Variants in ASPSCR1 observed in about 807,000 individuals in gnomAD.
ASPSCR1 encodes the protein tether containing UBX domain for GLUT4.
Under a neutral mutation model 68.9 loss-of-function variants are expected in ASPSCR1, and 55 were observed. That is an observed-to-expected ratio of 0.80 (90% CI 0.64 to 1.00). The LOEUF (loss-of-function observed/expected upper bound fraction) is 1.00. Ranked by LOEUF, ASPSCR1 falls within the 50% of genes least tolerant of loss-of-function variation. The pLI is 0.00. For synonymous variants in ASPSCR1, 352 were observed against 332.6 expected (o/e 1.06, Z -0.63); for missense variants, 765 against 762.2 (o/e 1.00, Z -0.04).
chr17:81,982,259 G>A (rs1185763834), intron 2 of ASPSCR1, among the ~76,000 whole-genome samples: 2 of 152,244 alleles, frequency 1.3e-5, no homozygotes, highest in African/African-American at 4.8e-5. Context: ...ATGAGCCACC[G>A]CGCCCAGCGC....
rs916566836 is a variant in ASPSCR1, at chr17:81,987,200, G to A, written c.374+1593G>A. ...AGCGGGACCCGAGGCAGGAGATGACGGAGCCTGAGAGCAAAGCGAAGCCAC... is the reference window on the plus strand; with the variant it reads ...AGCGGGACCCGAGGCAGGAGATGACAGAGCCTGAGAGCAAAGCGAAGCCAC... On this transcript the variant is annotated intron_variant, in intron 4 of 15. Coordinates refer to ENST00000306739, the MANE Select transcript of ASPSCR1 (RefSeq NM_024083.4). The surrounding 1 kb of genome is among the most constrained non-coding windows in gnomAD (Gnocchi z 5.6). Among the ~76,000 whole-genome samples, 7 of 148,312 alleles carry A rather than the reference G, an allele frequency of 4.7e-5. No homozygotes were observed. The highest frequency in any genetic ancestry group is 1.5e-4 in the African/African-American group (6 of 39,462).
chr17:81,989,456 G>A (rs2144022953), intron 4 of ASPSCR1, among the ~76,000 whole-genome samples: 1 of 152,324 alleles, frequency 6.6e-6, no homozygotes, highest in East Asian at 1.9e-4. Flanking sequence ...GAGGCCTTGG[G>A]AAGTCCAGGT....
intron 12 of ASPSCR1, chr17:82,016,208 G>T (rs1450902342): frequency 5.8e-6 from 3 of 518,754 alleles, no homozygotes; most frequent in Non-Finnish European, 1.0e-5. Context: ...GATGCTGCAT[G>T]GCTTGAGGAC....
At position 82,016,555 on chromosome 17, in the gene ASPSCR1, C is replaced by G. The variant is rs147813785; in HGVS notation, c.1405+28C>G. The G allele has an allele frequency of 1.7e-5, 26 of 1,549,134 alleles. No homozygotes were observed. The African/African-American group carries it at 2.9e-4, about 17-fold the overall frequency. Reference sequence around the variant, plus strand: ...GAGTGTCAGTGGTTGGGGCCAGTGTCGGAGTCCAGCCAGCCTGTCCCTGGA... The same window carrying G: ...GAGTGTCAGTGGTTGGGGCCAGTGTGGGAGTCCAGCCAGCCTGTCCCTGGA... On this transcript the variant is annotated intron_variant, in intron 13 of 15. Coordinates refer to ENST00000306739, the MANE Select transcript of ASPSCR1 (RefSeq NM_024083.4).
At chr17:82,007,722 C>T (rs2042767978) in intron 7 of ASPSCR1, 1 of 152,274 alleles carries the variant, frequency 6.6e-6, no homozygotes, top group Admixed American at 6.5e-5. Flanking sequence ...GGCCTGGCCG[C>T]TCATGGACAT....
rs2042300627 is a variant in ASPSCR1, at chr17:81,995,304, GA to G, written c.432+427del. On this transcript the variant is annotated intron_variant, in intron 5 of 15. Coordinates refer to ENST00000306739, the MANE Select transcript of ASPSCR1 (RefSeq NM_024083.4). ...GCTGGGGTGGGGGGGCACTGGCCCG[GA>G]GGGGCCCTGGGGGGCCAGGACATTC... The G allele has an allele frequency of 8.6e-6, 3 of 347,182 alleles. No individual in the cohort carries two copies. The East Asian group carries it at 1.4e-4, about 16-fold the overall frequency. The allele number at this position is 347,182 out of a possible 1,614,324, so 21.5% of individuals were successfully genotyped here. A position where few individuals can be genotyped will look rare whatever the true frequency, so the allele number is the denominator to read the frequency against.
chr17:82,015,433 C>A, intron 12 of ASPSCR1: 1 of 1,488,458 alleles, frequency 6.7e-7, no homozygotes, highest in Non-Finnish European at 9.0e-7. Flanking sequence ...GGCTGCCAAG[C>A]CTACTTCCCT....
chr17:81,991,226 G>T (rs2042150048), intron 4 of ASPSCR1, among the ~76,000 whole-genome samples: 1 of 152,212 alleles, frequency 6.6e-6, no homozygotes, highest in Admixed American at 6.5e-5. Flanking sequence ...GGGCTGTGCT[G>T]GCGTGGGCAC....
intron 2 of ASPSCR1, among the ~76,000 whole-genome samples, chr17:81,980,632 A>G (rs1469679244): frequency 6.6e-6 from 1 of 152,252 alleles, no homozygotes; most frequent in Non-Finnish European, 1.5e-5. Context: ...CAGGCTGGGA[A>G]GTGTAGCCTC....
chr17:81,996,219 G>A (rs1328726794), intron 6 of ASPSCR1, among the ~76,000 whole-genome samples, 154 bp downstream of exon 6: 3 of 152,198 alleles, frequency 2.0e-5, no homozygotes, highest in East Asian at 3.9e-4. Flanking sequence ...GCCTGTGGGC[G>A]TGGGGGCTGG....
intron 2 of ASPSCR1, among the ~76,000 whole-genome samples, chr17:81,982,453 G>A (rs914918781): frequency 8.5e-5 from 13 of 152,244 alleles, no homozygotes; most frequent in Admixed American, 3.3e-4. Context: ...AGCCCCAGGC[G>A]TGAACAGTGC....
rs927261752 is a variant in ASPSCR1, at chr17:82,016,492, C to T, written c.1370C>T (p.Ala457Val). 1 of 1,548,910 alleles carries T rather than the reference C, an allele frequency of 6.5e-7. No individual in the cohort carries two copies. Among genetic ancestry groups the T allele is most frequent in the Non-Finnish European group, 8.7e-7 (1 of 1,147,132 alleles). ...QTLFQANLFP[A>V]ALVHLGAEEP... Reference sequence around the variant, plus strand: ...TCCCTGCAGGCGAACCTCTTCCCGGCCGCTCTGGTGCACTTGGGAGCCGAG... The same window carrying T: ...TCCCTGCAGGCGAACCTCTTCCCGGTCGCTCTGGTGCACTTGGGAGCCGAG... The change falls in exon 13 of 16, where the codon GCC (alanine) becomes GTC (valine). Residue 457 changes from alanine (A) to valine (V), a missense_variant. Physicochemically the swap from Ala to Val is moderately conservative, Grantham distance 64. Transcript: ENST00000306739.
At chr17:81,988,748 G>GTGTGGGTGTCA (rs1223140798) in intron 4 of ASPSCR1, among the ~76,000 whole-genome samples, 1 of 152,168 alleles carries the variant, frequency 6.6e-6, no homozygotes, top group Non-Finnish European at 1.5e-5. Context: ...CTCTTCCGTC[G>GTGTGGGTGTCA]TGTGGGTGTC....
At chr17:81,998,199 G>A (rs2042418154) in intron 7 of ASPSCR1, among the ~76,000 whole-genome samples, 1 of 152,154 alleles carries the variant, frequency 6.6e-6, no homozygotes, top group South Asian at 2.1e-4. Context: ...TCGAATTCCT[G>A]GGCTCAAGCG....
intron 7 of ASPSCR1, among the ~76,000 whole-genome samples, chr17:82,004,172 C>G (rs1050277474): frequency 3.9e-5 from 6 of 152,356 alleles, no homozygotes; most frequent in African/African-American, 1.4e-4. Context: ...GCGCCCTCAC[C>G]CTGCAGCCCC....
At chr17:81,998,245 A>G (rs1426707210) in intron 7 of ASPSCR1, among the ~76,000 whole-genome samples, 2 of 152,228 alleles carry the variant, frequency 1.3e-5, no homozygotes, top group East Asian at 1.9e-4. Context: ...TGCTGGGATT[A>G]CAATTGTGAG....
rs945610945 is a variant in ASPSCR1 at position 81,977,821 on chromosome 17, CG to C, written c.102+75del. On this transcript the variant is annotated intron_variant, in intron 1 of 15. Coordinates refer to ENST00000306739, the MANE Select transcript of ASPSCR1 (RefSeq NM_024083.4). The surrounding 1 kb of genome is among the most constrained non-coding windows in gnomAD (Gnocchi z 5.0). ...GCGCCGAGGCCCCGCCCATTGCGGT[CG>C]GCGTCCCGGTGTTCGGGGGCGGGGC... is the stretch of plus-strand genomic sequence containing the variant. 4.5e-6 allele frequency: 5 copies of C among 1,123,200 alleles called. No individual in the cohort carries two copies. In the African/African-American group the frequency reaches 6.5e-5, roughly 15 times the overall value. The allele number at this position is 1,123,200 out of a possible 1,614,324, so 69.6% of individuals were successfully genotyped here. A position where few individuals can be genotyped will look rare whatever the true frequency, so the allele number is the denominator to read the frequency against.
intron 4 of ASPSCR1, among the ~76,000 whole-genome samples, chr17:81,991,956 G>GT (rs2042183245): frequency 6.6e-6 from 1 of 152,266 alleles, no homozygotes. Context: ...GGGGTTTGTG[G>GT]TGCATAAAGA....
intron 9 of ASPSCR1, 42 bp downstream of exon 9, chr17:82,009,609 AG>A (rs2042845814): frequency 6.5e-7 from 1 of 1,544,644 alleles, no homozygotes; most frequent in South Asian, 1.2e-5. Context: ...CACAGCTCTG[AG>A]GGGGCCCCCC....
Sources: gnomAD v4.1 joint callset for allele counts (sites outside exome capture counted in the v4.1 genomes callset) on GRCh38, gnomAD v4.1.1 for gene constraint, Gnocchi (gnomAD v3.1) non-coding constraint, MANE v1.5 for transcripts, NCBI Gene and HGNC (gene_info 2026-07-23, HGNC 2026-07-21) for gene names.